MTUS2: variants seen among roughly 807,000 people sequenced by gnomAD.
MTUS2 encodes microtubule associated scaffold protein 2.
In MTUS2, 40 loss-of-function variants were observed where a neutral mutation model predicts 114.1. The ratio of observed to expected loss-of-function variants is 0.35; its 90% CI spans 0.27 to 0.46. The LOEUF (loss-of-function observed/expected upper bound fraction) is 0.46. Ranked by LOEUF, MTUS2 falls within the 20% of genes least tolerant of loss-of-function variation. The probability of loss-of-function intolerance (pLI) is 1.00; values close to 1 mark genes in which losing one functional copy is unlikely to be tolerated. For synonymous variants in MTUS2, 688 were observed against 672.0 expected, an observed-to-expected ratio of 1.02 and a Z score of -0.37; for missense variants, 1,679 against 1,705.4, an observed-to-expected ratio of 0.98 and a Z score of 0.27.
At chr13:29,004,262 T>C (rs1173451828) in intron 2 of MTUS2, among the ~76,000 whole-genome samples, 1 of 152,188 alleles carries the variant, frequency 6.6e-6, no homozygotes, top group Admixed American at 6.5e-5. Flanking sequence ...ACAATTCTTA[T>C]CCATGTAAAT....
intron 5 of MTUS2, among the ~76,000 whole-genome samples, chr13:29,206,672 C>A (rs749367053): frequency 3.9e-5 from 6 of 152,114 alleles, no homozygotes; most frequent in Non-Finnish European, 2.9e-5. Context: ...GGTGTCCTTT[C>A]TCCACTTTAT....
intron 5 of MTUS2, among the ~76,000 whole-genome samples, chr13:29,106,051 G>A (rs145137088): frequency 1.2e-3 from 177 of 152,216 alleles, no homozygotes; most frequent in African/African-American, 3.9e-3. Context: ...CTCAGAATGT[G>A]TCTGTTCAGG....
intron 2 of MTUS2, among the ~76,000 whole-genome samples, chr13:28,925,621 G>A (rs1327562271): frequency 6.6e-6 from 1 of 152,094 alleles, no homozygotes; most frequent in South Asian, 2.1e-4. Flanking sequence ...AAGGACCCAG[G>A]GCTGAGTTCA....
At chr13:29,137,567 G>C (rs866652596) in intron 5 of MTUS2, among the ~76,000 whole-genome samples, 9 of 150,992 alleles carry the variant, frequency 6.0e-5, no homozygotes, top group Middle Eastern at 3.4e-3. Context: ...TTTCTTCTTT[G>C]TTCTTTCTTC....
intron 9 of MTUS2, among the ~76,000 whole-genome samples, chr13:29,463,992 CAAAAG>C (rs61554197): frequency 0.044 from 6,662 of 151,794 alleles, 148 homozygotes; most frequent in African/African-American, 0.059. Context: ...GACTGTGTCT[CAAAAG>C]AAAAGAAAAG....
intron 2 of MTUS2, among the ~76,000 whole-genome samples, chr13:28,888,901 AG>A (rs757988938): frequency 3.3e-5 from 5 of 152,218 alleles, no homozygotes; most frequent in Non-Finnish European, 5.9e-5. Context: ...TCAAGTGTCC[AG>A]GGCAAAGGGT....
intron 5 of MTUS2, among the ~76,000 whole-genome samples, chr13:29,253,789 G>A (rs1305993462): frequency 2.6e-5 from 4 of 152,212 alleles, no homozygotes; most frequent in Admixed American, 1.3e-4. Context: ...GATGGAAGGC[G>A]AGGAAGAGCA....
chr13:29,027,054 A>C (rs1213746627), intron 3 of MTUS2, among the ~76,000 whole-genome samples, 151 bp downstream of exon 3: 1 of 152,218 alleles, frequency 6.6e-6, no homozygotes, highest in Non-Finnish European at 1.5e-5. Context: ...TTTTGACTAG[A>C]GGAGATTGTC....
intron 9 of MTUS2, among the ~76,000 whole-genome samples, chr13:29,469,743 G>A (rs181871652): frequency 6.6e-6 from 1 of 152,042 alleles, no homozygotes; most frequent in Non-Finnish European, 1.5e-5. Flanking sequence ...AGAGTTACAG[G>A]CTGCAGTGAG....
chr13:28,889,758 A>G (rs1366401899), intron 2 of MTUS2, among the ~76,000 whole-genome samples: 1 of 152,194 alleles, frequency 6.6e-6, no homozygotes, highest in Non-Finnish European at 1.5e-5. Flanking sequence ...CAATAGCAAT[A>G]AGGGTAAGAG....
intron 5 of MTUS2, among the ~76,000 whole-genome samples, chr13:29,271,150 G>C (rs1262898668): frequency 6.6e-6 from 1 of 151,974 alleles, no homozygotes; most frequent in Non-Finnish European, 1.5e-5. Context: ...ATGCATTCTG[G>C]CTTCCTGATC....
chr13:29,065,713 G>T (rs1311347228), intron 4 of MTUS2, among the ~76,000 whole-genome samples: 1 of 152,162 alleles, frequency 6.6e-6, no homozygotes, highest in South Asian at 2.1e-4. Context: ...AGGCTGTGCA[G>T]TCTCCTAGTC....
At chr13:28,973,788 C>T (rs1424311254) in intron 2 of MTUS2, among the ~76,000 whole-genome samples, 1 of 152,166 alleles carries the variant, frequency 6.6e-6, no homozygotes, top group Non-Finnish European at 1.5e-5. Context: ...TGGGATCTTT[C>T]TAGGTTGATT....
At chr13:28,998,653 G>T (rs1305070931) in intron 2 of MTUS2, among the ~76,000 whole-genome samples, 2 of 151,982 alleles carry the variant, frequency 1.3e-5, no homozygotes, top group African/African-American at 4.8e-5. Flanking sequence ...ACCTTCCATT[G>T]CTGATACGCT....
intron 9 of MTUS2, among the ~76,000 whole-genome samples, chr13:29,465,835 G>C (rs1326278364): frequency 6.6e-6 from 1 of 152,196 alleles, no homozygotes; most frequent in Non-Finnish European, 1.5e-5. Flanking sequence ...GTTAAAGGTC[G>C]CTTCTCTAAA....
chr13:29,247,972 C>T (rs1479609876), intron 5 of MTUS2, among the ~76,000 whole-genome samples: 2 of 152,164 alleles, frequency 1.3e-5, no homozygotes, highest in Non-Finnish European at 2.9e-5. Flanking sequence ...CAGTGCAATT[C>T]ACAATTCCAA....
At chr13:29,425,453 CAAAGAAAAAAG>C (rs1181263048) in intron 8 of MTUS2, among the ~76,000 whole-genome samples, 1 of 151,392 alleles carries the variant, frequency 6.6e-6, no homozygotes, top group African/African-American at 2.4e-5. Context: ...AATACTTTAA[CAAAGAAAAAAG>C]AAAGACAAGG....
intron 2 of MTUS2, among the ~76,000 whole-genome samples, chr13:28,906,899 G>A (rs1013708565): frequency 1.3e-5 from 2 of 151,360 alleles, no homozygotes; most frequent in African/African-American, 4.9e-5. Context: ...GAAATACAGA[G>A]AACGCCACAA....
intron 5 of MTUS2, among the ~76,000 whole-genome samples, chr13:29,247,014 ATACTG>A (rs1303405821): frequency 1.3e-5 from 2 of 152,214 alleles, no homozygotes; most frequent in South Asian, 2.1e-4. Context: ...ACTTCAAACT[ATACTG>A]TAAGGATATA....
Sources: allele counts gnomAD v4.1 joint callset (sites outside exome capture counted in the v4.1 genomes callset), GRCh38; gene constraint gnomAD v4.1.1; transcripts MANE v1.5; gene names NCBI Gene and HGNC (gene_info 2026-07-23, HGNC 2026-07-21).